The following PRKN variants were observed in gnomAD, a reference collection of about 807,000 sequenced individuals.
PRKN encodes the protein E3 ubiquitin-protein ligase parkin.
PRKN carries 56 observed loss-of-function variants against 59.5 expected under a neutral mutation model. The observed-to-expected ratio is 0.94, with a 90% CI of 0.76 to 1.18. The LOEUF is 1.18. Among genes scored for constraint, PRKN ranks in the 50% most tolerant of loss-of-function variants. The pLI, the probability that PRKN is intolerant of heterozygous loss-of-function variation, is 0.00. For missense variants in PRKN, 657 were observed against 596.4 expected, an observed-to-expected ratio of 1.10 and a Z score of -1.06; for synonymous variants, 250 against 222.1, an observed-to-expected ratio of 1.13 and a Z score of -1.12.
chr6:162,235,530 G>T (rs1466438339), intron 3 of PRKN, among the ~76,000 whole-genome samples: 1 of 152,102 alleles, frequency 6.6e-6, no homozygotes, highest in African/African-American at 2.4e-5. Flanking sequence ...CCTCATGGCC[G>T]GGCGCAGTGG....
intron 7 of PRKN, among the ~76,000 whole-genome samples, chr6:161,749,323 A>G (rs1051146822): frequency 1.3e-5 from 2 of 152,190 alleles, no homozygotes; most frequent in Non-Finnish European, 2.9e-5. Context: ...ATGCATGCAT[A>G]TATGTGCATA....
At chr6:161,568,972 TAAAA>T (rs3032926) in intron 8 of PRKN, among the ~76,000 whole-genome samples, 5 of 139,034 alleles carry the variant, frequency 3.6e-5, no homozygotes, top group African/African-American at 1.0e-4. Flanking sequence ...AAAAACCTGG[TAAAA>T]AAAAAAAAAA....
chr6:161,869,257 T>C (rs1373904524), intron 6 of PRKN, among the ~76,000 whole-genome samples: 2 of 152,052 alleles, frequency 1.3e-5, no homozygotes, highest in South Asian at 4.1e-4. Flanking sequence ...CGTGCACCTG[T>C]AATCCCAGCT....
intron 2 of PRKN, among the ~76,000 whole-genome samples, chr6:162,386,442 T>C (rs1469012161): frequency 6.6e-6 from 1 of 152,254 alleles, no homozygotes; most frequent in Non-Finnish European, 1.5e-5. Flanking sequence ...TGTGAAATCT[T>C]GTCTCTGCTC....
intron 4 of PRKN, among the ~76,000 whole-genome samples, chr6:162,111,690 C>A (rs1780446543): frequency 6.7e-6 from 1 of 149,794 alleles, no homozygotes; most frequent in African/African-American, 2.5e-5. Flanking sequence ...TTCAAGTTTT[C>A]TACAGTCTCA....
intron 2 of PRKN, among the ~76,000 whole-genome samples, chr6:162,386,920 A>T (rs1173184080): frequency 6.6e-6 from 1 of 152,178 alleles, no homozygotes; most frequent in South Asian, 2.1e-4. Context: ...ATAAGGTAAC[A>T]TTGCATTCAA....
rs536330779 is a variant in PRKN at position 161,873,895 on chromosome 6, A to G, written c.735-87987T>C. ...TTGTTTATATATAAATAAAAATTAT[A>G]TACTATATATAAAATATATAAATAT... is the stretch of plus-strand genomic sequence containing the variant. On this transcript the variant is annotated intron_variant, in intron 6 of 11. Transcript: ENST00000366898. Among the ~76,000 whole-genome samples the G allele has an allele frequency of 3.3e-4, 43 of 128,382 alleles. 3 individuals are homozygous for G. Among genetic ancestry groups the G allele is most frequent in the African/African-American group, 1.1e-3 (38 of 33,660 alleles). 84.2% of individuals were successfully genotyped at this position (128,382 alleles called of 152,430 possible). A position where few individuals can be genotyped will look rare whatever the true frequency, so the allele number is the denominator to read the frequency against.
chr6:162,555,758 A>G (rs917628161), intron 1 of PRKN, among the ~76,000 whole-genome samples: 5 of 152,172 alleles, frequency 3.3e-5, no homozygotes, highest in Admixed American at 6.5e-5. Context: ...TGGGAGGCCG[A>G]GGCAGGTGGA....
At chr6:162,492,217 C>T (rs1415739107) in intron 1 of PRKN, among the ~76,000 whole-genome samples, 2 of 152,218 alleles carry the variant, frequency 1.3e-5, no homozygotes, top group African/African-American at 4.8e-5. Flanking sequence ...GCCTGTAAGG[C>T]CACAGTGACA....
intron 4 of PRKN, among the ~76,000 whole-genome samples, chr6:162,070,831 G>A (rs776447175): frequency 6.6e-6 from 1 of 152,048 alleles, no homozygotes; most frequent in Non-Finnish European, 1.5e-5. Context: ...ATGCTCGCTC[G>A]CCTACTGCTT....
At chr6:162,651,395 C>T (rs1778426852) in intron 1 of PRKN, among the ~76,000 whole-genome samples, 1 of 152,170 alleles carries the variant, frequency 6.6e-6, no homozygotes, top group Non-Finnish European at 1.5e-5. Context: ...TTCCCTCCAT[C>T]ACTATAACTA....
intron 4 of PRKN, among the ~76,000 whole-genome samples, chr6:162,092,140 A>T (rs2128296504): frequency 6.6e-6 from 1 of 152,256 alleles, no homozygotes; most frequent in African/African-American, 2.4e-5. Context: ...AGATCACCTG[A>T]GGTCAGGAGT....
chr6:162,217,051 T>C (rs1358165039), intron 3 of PRKN, among the ~76,000 whole-genome samples: 2 of 152,188 alleles, frequency 1.3e-5, no homozygotes, highest in Admixed American at 6.5e-5. Flanking sequence ...CAGACAAATA[T>C]AGTATCCTTG....
intron 7 of PRKN, among the ~76,000 whole-genome samples, chr6:161,765,941 T>C (rs1789405780): frequency 6.6e-6 from 1 of 152,236 alleles, no homozygotes; most frequent in Non-Finnish European, 1.5e-5. Context: ...TGAATTGTTT[T>C]TGAAGGCAAA....
chr6:161,860,081 A>G (rs1793828619), intron 6 of PRKN, among the ~76,000 whole-genome samples: 1 of 152,198 alleles, frequency 6.6e-6, no homozygotes, highest in Admixed American at 6.5e-5. Flanking sequence ...AGTCTCATCT[A>G]TTAGTGTATA....
In PRKN at chr6:161,800,078, G is replaced by A. The variant is rs77832342; in HGVS notation, c.735-14170C>T. On this transcript the variant is annotated intron_variant, in intron 6 of 11. Coordinates refer to ENST00000366898, the MANE Select transcript of PRKN (RefSeq NM_004562.3). ...TCAGGACAAAATTTTAAGTAGGGAT[G>A]CAACATAATACCATTTATGTTTTAA... 1.5e-4 allele frequency among the ~76,000 whole-genome samples: 23 copies of A among 152,252 alleles called. No homozygotes were observed. The East Asian group carries it at 4.4e-3, about 29-fold the overall frequency.
intron 1 of PRKN, among the ~76,000 whole-genome samples, chr6:162,531,429 C>G (rs1241264518): frequency 6.6e-6 from 1 of 152,046 alleles, no homozygotes; most frequent in Non-Finnish European, 1.5e-5. Flanking sequence ...AATCAGTCTC[C>G]CCAAGCATTC....
At chr6:162,574,348 A>G (rs1391988079) in intron 1 of PRKN, among the ~76,000 whole-genome samples, 2 of 151,606 alleles carry the variant, frequency 1.3e-5, no homozygotes, top group Non-Finnish European at 2.9e-5. Context: ...TCAAGGTTAC[A>G]TCTTGAAACC....
intron 1 of PRKN, among the ~76,000 whole-genome samples, chr6:162,476,531 T>C (rs1321946523): frequency 6.6e-6 from 1 of 152,164 alleles, no homozygotes; most frequent in African/African-American, 2.4e-5. Context: ...TAGGCTTTCT[T>C]AAGTGAAACA....
Sources: allele counts gnomAD v4.1 joint callset (sites outside exome capture counted in the v4.1 genomes callset), GRCh38; gene constraint gnomAD v4.1.1; transcripts MANE v1.5; gene names NCBI Gene and HGNC (gene_info 2026-07-23, HGNC 2026-07-21).